Variants in PAN2 observed in about 807,000 individuals in gnomAD.
The protein encoded by PAN2 is PAN2-PAN3 deadenylation complex catalytic subunit PAN2.
Under a neutral mutation model 133.3 loss-of-function variants are expected in PAN2, and 68 were observed. The observed-to-expected ratio is 0.51, with a 90% confidence interval of 0.42 to 0.62. The LOEUF (loss-of-function observed/expected upper bound fraction) is 0.62, where lower values mean the gene tolerates loss of function less well. PAN2 is among the 20% of genes least tolerant of loss of function. The pLI is 0.00. For synonymous variants in PAN2, 462 were observed against 544.6 expected (o/e 0.85, Z 2.11); for missense variants, 1,042 against 1,500.5 (o/e 0.69, Z 5.05).
In PAN2 at chr12:56,317,258, A is replaced by C. The variant is rs1874026913; in HGVS notation, c.*351T>G. On this transcript the variant is annotated 3_prime_UTR_variant, in exon 26 of 26. Coordinates refer to ENST00000440411, the MANE Select transcript of PAN2 (RefSeq NM_014871.6). ...ATCCTCTGTCACTGTCCAGGACTTC[A>C]ATCCCTAGCCAGCTAGGAACTTACA... 3.5e-6 allele frequency: 1 copy of C among 288,706 alleles called. No homozygotes were observed. Among genetic ancestry groups the C allele is most frequent in the Admixed American group, 4.7e-5 (1 of 21,198 alleles). 17.9% of individuals were successfully genotyped at this position (288,706 alleles called of 1,614,324 possible).
rs1400938226 is a variant in PAN2 at position 56,317,000 on chromosome 12, T to A, written c.*609A>T. ...AAACATGCAGTTTACAACAAATTTT[T>A]AAAAAATGGAACAAAACTTGGGACA... On this transcript the variant is annotated 3_prime_UTR_variant, in exon 26 of 26. Transcript: ENST00000440411. The A allele has an allele frequency of 6.6e-6, 1 of 152,364 alleles. No homozygotes were observed. The highest frequency in any genetic ancestry group is 6.5e-5 in the Admixed American group (1 of 15,280). The allele number at this position is 152,364 out of a possible 1,614,324, so 9.4% of individuals were successfully genotyped here. A position where few individuals can be genotyped will look rare whatever the true frequency, so the allele number is the denominator to read the frequency against.
rs1259869361 is a variant in PAN2 at position 56,324,518 on chromosome 12, G to A, written c.1729-25C>T. The stretch of plus-strand genomic sequence containing the variant: ...CCTGGAAATGTGTTGGTGGAAAGGG[G>A]TTATTTTGTCTTTTGTGTCCACCTT... On this transcript the variant is annotated intron_variant, in intron 11 of 25. Transcript: ENST00000440411. 6 of 1,612,660 alleles carry A rather than the reference G, an allele frequency of 3.7e-6. No individual in the cohort carries two copies. In the Admixed American group the frequency reaches 5.0e-5, roughly 13 times the overall value.
intron 9 of PAN2, 43 bp downstream of exon 9, chr12:56,325,292 G>T (rs745974853): frequency 4.3e-6 from 7 of 1,611,168 alleles, no homozygotes; most frequent in Non-Finnish European, 5.9e-6. Context: ...CCTTCCCAGG[G>T]TACCTTTCCC....
intron 17 of PAN2, 57 bp downstream of exon 17, chr12:56,323,005 C>T: frequency 6.2e-7 from 1 of 1,603,274 alleles, no homozygotes; most frequent in Non-Finnish European, 8.5e-7. Context: ...CCCTCCTTTA[C>T]CTTCTGCCCC....
At chr12:56,317,801 T>C (rs1874069165) in intron 25 of PAN2, among the ~76,000 whole-genome samples, 158 bp from the exon 26 acceptor site, 1 of 152,270 alleles carries the variant, frequency 6.6e-6, no homozygotes, top group African/African-American at 2.4e-5. Flanking sequence ...ATGGAGAGTT[T>C]CGATAAAATG....
chr12:56,318,275 C>CA lies in PAN2; in HGVS notation c.3523dup (p.Trp1175LeufsTer5). The stretch of plus-strand genomic sequence containing the variant: ...TTGGCCCTCAGGCTCAGGCACCTTC[C>CA]AGTCCATCTTTCTGCCCTTCTCATA... On this transcript the variant is annotated frameshift_variant, in exon 25 of 26. Coordinates refer to ENST00000440411, the MANE Select transcript of PAN2 (RefSeq NM_014871.6). LOFTEE classifies it high-confidence loss of function. 2.5e-6 allele frequency: 4 copies of CA among 1,614,188 alleles called. No homozygotes were observed. The highest frequency in any genetic ancestry group is 3.4e-6 in the Non-Finnish European group (4 of 1,180,024).
intron 11 of PAN2, 21 bp downstream of exon 11, chr12:56,324,560 T>C (rs754889393): frequency 2.5e-6 from 4 of 1,612,900 alleles, no homozygotes; most frequent in Non-Finnish European, 3.4e-6. Flanking sequence ...CCTTCCATTT[T>C]AAGTGTCTCC....
intron 19 of PAN2, 127 bp from the exon 20 acceptor site, chr12:56,322,295 T>C: frequency 9.6e-7 from 1 of 1,045,328 alleles, no homozygotes; most frequent in South Asian, 1.3e-5. Flanking sequence ...TAAGTGCTAA[T>C]GGTTTTTATT....
chr12:56,322,884 G>C, intron 17 of PAN2, 126 bp from the exon 18 acceptor site: 1 of 1,256,630 alleles, frequency 8.0e-7, no homozygotes, highest in South Asian at 1.4e-5. Context: ...CTCCATCCTA[G>C]CCCATCTAGG....
rs1176108692 is a variant in PAN2, at chr12:56,323,617, C to T, written c.2173-19G>A. 1 of 1,604,180 alleles carries T rather than the reference C, an allele frequency of 6.2e-7. No individual in the cohort carries two copies. Among genetic ancestry groups the T allele is most frequent in the East Asian group, 2.2e-5 (1 of 44,832 alleles). On this transcript the variant is annotated intron_variant, in intron 14 of 25. Transcript: ENST00000440411. Reference sequence around the variant, plus strand: ...TCTGAATCTGAGAGGAAGAAACAAACAAGGAATGGCAGGGAATGTACAGGA... The same window carrying T: ...TCTGAATCTGAGAGGAAGAAACAAATAAGGAATGGCAGGGAATGTACAGGA...
intron 6 of PAN2, 116 bp from the exon 7 acceptor site, chr12:56,327,075 T>G (rs768473079): frequency 9.6e-5 from 86 of 893,358 alleles, no homozygotes; most frequent in Non-Finnish European, 1.4e-4. Context: ...AATCCATGCC[T>G]AGAGACAGAA....
rs1215934501 is a variant in PAN2, at chr12:56,323,895, T to C, written c.2084A>G (p.Tyr695Cys). The C allele has an allele frequency of 1.2e-6, 2 of 1,614,010 alleles. No homozygotes were observed. Among genetic ancestry groups the C allele is most frequent in the African/African-American group, 1.3e-5 (1 of 75,070 alleles). Residue 695 changes from tyrosine (Y) to cysteine (C), a missense_variant, in exon 14 of 26, where the codon TAT becomes TGT. Coordinates refer to ENST00000440411, the MANE Select transcript of PAN2 (RefSeq NM_014871.6). The part of the protein sequence containing the change: ...SYPDDKTGKN[Y>C]DFAQVLKRSI... ...TCGCTTCAGCACCTGAGCAAAGTCA[T>C]AGTTCTTCCCAGTTTTATCTGAGGG...
At position 56,319,270 on chromosome 12, in the gene PAN2, A is replaced by G. The variant is rs1196429724; in HGVS notation, c.3270+38T>C. Reference sequence around the variant, plus strand: ...GCACAATGTATACCCTGAGGGGCCCACTCTCACAAGAAGACTCTTAAAAGA... The same window carrying G: ...GCACAATGTATACCCTGAGGGGCCCGCTCTCACAAGAAGACTCTTAAAAGA... On this transcript the variant is annotated intron_variant, in intron 23 of 25. Coordinates refer to ENST00000440411, the MANE Select transcript of PAN2 (RefSeq NM_014871.6). This position sits in a 1 kb window ranked among gnomAD's most constrained non-coding sequence, Gnocchi z 5.4. 6.2e-7 allele frequency: 1 copy of G among 1,611,608 alleles called. No homozygotes were observed. Among genetic ancestry groups the G allele is most frequent in the East Asian group, 2.2e-5 (1 of 44,850 alleles).
chr12:56,333,278 T>G, intron 1 of PAN2, 70 bp from the exon 2 acceptor site: 5 of 593,808 alleles, frequency 8.4e-6, no homozygotes, highest in South Asian at 2.1e-5. Flanking sequence ...TTCTAGGTTA[T>G]GGGGGCAGGA....
At position 56,322,771 on chromosome 12, in the gene PAN2, T is replaced by C; in HGVS notation, c.2494-13A>G. ...TGGCTGGGCCCCACTGTGAGGGGGGTACCCAGGCTGCTAAGCTAAGTTTAA... is the reference window on the plus strand; with the variant it reads ...TGGCTGGGCCCCACTGTGAGGGGGGCACCCAGGCTGCTAAGCTAAGTTTAA... On this transcript the variant is annotated splice_polypyrimidine_tract_variant and intron_variant, in intron 17 of 25. Transcript: ENST00000440411. 1 of 1,600,440 alleles carries C rather than the reference T, an allele frequency of 6.2e-7. No homozygotes were observed. The highest frequency in any genetic ancestry group is 1.1e-5 in the South Asian group (1 of 90,744).
In PAN2 at chr12:56,324,048, C is replaced by G; in HGVS notation, c.2065+1G>C. The G allele has an allele frequency of 6.2e-7, 1 of 1,614,176 alleles. No individual in the cohort carries two copies. The highest frequency in any genetic ancestry group is 2.2e-5 in the East Asian group (1 of 44,886). On this transcript the variant is annotated splice_donor_variant, in intron 13 of 25. Transcript: ENST00000440411. LOFTEE classifies it high-confidence loss of function. ...GCTGAAGGGTATACCACTTTTGCTA[C>G]CATCAGGGTAGGAGAGTGTGAAAAG... is the stretch of plus-strand genomic sequence containing the variant.
intron 20 of PAN2, 144 bp from the exon 21 acceptor site, chr12:56,320,165 TA>T: frequency 1.4e-6 from 1 of 721,936 alleles, no homozygotes. Context: ...TCATGTCTGA[TA>T]AATGGGACAG....
In PAN2 at chr12:56,322,242, A is replaced by G. The variant is rs1238977009; in HGVS notation, c.2698-74T>C. 4 of 1,120,204 alleles carry G rather than the reference A, an allele frequency of 3.6e-6. No individual in the cohort carries two copies. The African/African-American group carries it at 6.2e-5, about 17-fold the overall frequency. The allele number at this position is 1,120,204 out of a possible 1,614,324, so 69.4% of individuals were successfully genotyped here. A position where few individuals can be genotyped will look rare whatever the true frequency, so the allele number is the denominator to read the frequency against. ...TTTTCCCCCACTTCAGACGGAGGCC[A>G]GGACTCAGGTGCTAGTTTTTGTTTT... On this transcript the variant is annotated intron_variant, in intron 19 of 25. Transcript: ENST00000440411.
chr12:56,327,314 T>C, intron 6 of PAN2, 50 bp downstream of exon 6: 1 of 1,588,026 alleles, frequency 6.3e-7, no homozygotes, highest in East Asian at 2.2e-5. Flanking sequence ...GGGTTCTAGC[T>C]CTCCTTTGCT....
Sources: gnomAD v4.1 joint callset for allele counts (sites outside exome capture counted in the v4.1 genomes callset) on GRCh38, gnomAD v4.1.1 for gene constraint, Gnocchi (gnomAD v3.1) non-coding constraint, MANE v1.5 for transcripts, NCBI Gene and HGNC (gene_info 2026-07-23, HGNC 2026-07-21) for gene names.